The following PCSK6 variants were observed in gnomAD, a reference collection of about 807,000 sequenced individuals.
The protein encoded by PCSK6 is paired basic amino acid cleaving enzyme 4.
PCSK6 carries 85 observed loss-of-function variants against 123.3 expected under a neutral mutation model. The ratio of observed to expected loss-of-function variants is 0.69; its 90% CI spans 0.58 to 0.83. PCSK6 has a LOEUF of 0.83. Ranked by LOEUF, PCSK6 falls within the 40% of genes least tolerant of loss-of-function variation. The pLI, the probability that PCSK6 is intolerant of heterozygous loss-of-function variation, is 0.00. For synonymous variants in PCSK6, 508 were observed against 516.0 expected, an observed-to-expected ratio of 0.98 and a Z score of 0.21; for missense variants, 1,191 against 1,282.3, an observed-to-expected ratio of 0.93 and a Z score of 1.09.
chr15:101,368,740 G>C (rs541254583), intron 12 of PCSK6, among the ~76,000 whole-genome samples: 1 of 152,292 alleles, frequency 6.6e-6, no homozygotes, highest in East Asian at 1.9e-4. Flanking sequence ...GGAAAACATG[G>C]AGCACATGGA....
intron 13 of PCSK6, 81 bp downstream of exon 13, chr15:101,366,115 A>G (rs2041379265): frequency 3.7e-6 from 5 of 1,364,796 alleles, no homozygotes; most frequent in Non-Finnish European, 3.0e-6. Flanking sequence ...ATTATCAGAG[A>G]CTCCGTAGTT....
chr15:101,345,325 A>G (rs2040705177), intron 13 of PCSK6, among the ~76,000 whole-genome samples: 1 of 152,236 alleles, frequency 6.6e-6, no homozygotes, highest in Non-Finnish European at 1.5e-5. Flanking sequence ...TTTGTTTTGG[A>G]GTAATTTGTT....
intron 6 of PCSK6, among the ~76,000 whole-genome samples, chr15:101,403,766 T>C (rs1300967019): frequency 6.6e-6 from 1 of 152,170 alleles, no homozygotes; most frequent in East Asian, 1.9e-4. Context: ...GTTGCCCAGG[T>C]TGGAGGACAG....
intron 1 of PCSK6, among the ~76,000 whole-genome samples, chr15:101,455,136 G>A (rs1464744758): frequency 6.7e-6 from 1 of 149,624 alleles, no homozygotes; most frequent in South Asian, 2.1e-4. Context: ...TTTCTATTAT[G>A]TGTATTTGAC....
At chr15:101,484,790 G>C (rs1487071153) in intron 1 of PCSK6, among the ~76,000 whole-genome samples, 2 of 152,180 alleles carry the variant, frequency 1.3e-5, no homozygotes, top group Non-Finnish European at 2.9e-5. Flanking sequence ...ATGTATCTGT[G>C]TAGATATAGA....
In PCSK6 at chr15:101,305,189, G is replaced by T; in HGVS notation, c.*69C>A. ...GCCGCTCCTGAAACAGACTCTGGCC[G>T]ACAGTCTGGAGGAAGGTGGACGGAT... On this transcript the variant is annotated 3_prime_UTR_variant, in exon 22 of 22. Transcript: ENST00000611716. This position sits in a 1 kb window ranked among gnomAD's most constrained non-coding sequence, Gnocchi z 4.8. The T allele has an allele frequency of 7.6e-7, 1 of 1,318,670 alleles. No individual in the cohort carries two copies. Among genetic ancestry groups the T allele is most frequent in the Non-Finnish European group, 1.1e-6 (1 of 939,938 alleles). 81.7% of individuals were successfully genotyped at this position (1,318,670 alleles called of 1,614,324 possible).
At chr15:101,382,863 T>A (rs2041947912) in intron 10 of PCSK6, among the ~76,000 whole-genome samples, 1 of 152,214 alleles carries the variant, frequency 6.6e-6, no homozygotes, top group Non-Finnish European at 1.5e-5. Flanking sequence ...GGTCAGCTCT[T>A]GTTACAGTAC....
intron 1 of PCSK6, among the ~76,000 whole-genome samples, chr15:101,445,274 C>CA (rs1449749637): frequency 6.6e-6 from 1 of 152,178 alleles, no homozygotes; most frequent in Admixed American, 6.5e-5. Context: ...TCCAGGTCTG[C>CA]ATCTAATGTG....
chr15:101,349,356 CAG>C (rs2040832938), intron 13 of PCSK6, among the ~76,000 whole-genome samples: 2 of 152,194 alleles, frequency 1.3e-5, no homozygotes, highest in Non-Finnish European at 2.9e-5. Context: ...GTTCAAAAGT[CAG>C]AAGAGTTTTC....
intron 6 of PCSK6, among the ~76,000 whole-genome samples, chr15:101,422,922 A>G (rs879592689): frequency 2.6e-5 from 4 of 152,188 alleles, no homozygotes; most frequent in African/African-American, 7.2e-5. Context: ...CGCCTGGCCA[A>G]GAAAGAAACT....
intron 2 of PCSK6, among the ~76,000 whole-genome samples, chr15:101,437,431 G>C (rs1312502381): frequency 6.6e-6 from 1 of 151,652 alleles, no homozygotes; most frequent in Non-Finnish European, 1.5e-5. Flanking sequence ...GGGGGAGGAG[G>C]AACCAGAAAA....
chr15:101,415,318 G>A (rs1456444918), intron 6 of PCSK6, among the ~76,000 whole-genome samples: 1 of 152,258 alleles, frequency 6.6e-6, no homozygotes, highest in Non-Finnish European at 1.5e-5. Flanking sequence ...GGTCTGTGAA[G>A]GCCACCCGGG....
chr15:101,306,929 C>A (rs1355695400), intron 21 of PCSK6, among the ~76,000 whole-genome samples: 1 of 152,166 alleles, frequency 6.6e-6, no homozygotes, highest in Non-Finnish European at 1.5e-5. Flanking sequence ...GGCAGTGGGA[C>A]CAGTACAAGG....
chr15:101,434,059 A>G (rs1351135592), intron 2 of PCSK6, among the ~76,000 whole-genome samples: 1 of 152,242 alleles, frequency 6.6e-6, no homozygotes, highest in African/African-American at 2.4e-5. Flanking sequence ...TTCCACAGAA[A>G]ATAAAACTAT....
chr15:101,484,036 C>T (rs1234905467), intron 1 of PCSK6, among the ~76,000 whole-genome samples: 5 of 152,154 alleles, frequency 3.3e-5, no homozygotes, highest in South Asian at 2.1e-4. Context: ...TAGGTATATG[C>T]GTCAATATAC....
intron 13 of PCSK6, among the ~76,000 whole-genome samples, chr15:101,362,146 TG>T (rs2041245630): frequency 6.6e-6 from 1 of 151,972 alleles, no homozygotes; most frequent in South Asian, 2.1e-4. Flanking sequence ...TTAGTAGAGA[TG>T]GGGTTTCACC....
intron 13 of PCSK6, among the ~76,000 whole-genome samples, chr15:101,364,405 T>C (rs1328789566): frequency 6.6e-6 from 1 of 152,188 alleles, no homozygotes; most frequent in Non-Finnish European, 1.5e-5. Context: ...TCTTTCCTGG[T>C]TGTAACCCCA....
At chr15:101,402,444 T>C (rs898353530) in intron 6 of PCSK6, among the ~76,000 whole-genome samples, 2 of 151,886 alleles carry the variant, frequency 1.3e-5, no homozygotes, top group Non-Finnish European at 2.9e-5. Flanking sequence ...CTAAAGAGCT[T>C]CTGCACAGCA....
At chr15:101,402,988 A>G (rs1289746251) in intron 6 of PCSK6, among the ~76,000 whole-genome samples, 2 of 152,188 alleles carry the variant, frequency 1.3e-5, no homozygotes. Context: ...TTATTGTGGC[A>G]CTATTCACAA....
Sources: allele counts gnomAD v4.1 joint callset (sites outside exome capture counted in the v4.1 genomes callset), GRCh38; gene constraint gnomAD v4.1.1; non-coding constraint Gnocchi (gnomAD v3.1); transcripts MANE v1.5; gene names NCBI Gene and HGNC (gene_info 2026-07-23, HGNC 2026-07-21).